SAMD15: variants seen among roughly 807,000 people sequenced by gnomAD.
The protein encoded by SAMD15 is sterile alpha motif domain-containing protein 15.
Under a neutral mutation model 50.5 loss-of-function variants are expected in SAMD15, and 37 were observed. The observed-to-expected ratio is 0.73, with a 90% confidence interval of 0.56 to 0.96. The LOEUF is 0.96. Among genes scored for constraint, SAMD15 ranks in the 40% least tolerant of loss-of-function variants. SAMD15 has a pLI of 0.00. For synonymous variants in SAMD15, 255 were observed against 282.8 expected (o/e 0.90, Z 0.99); for missense variants, 789 against 783.8 (o/e 1.01, Z -0.08).
chr14:77,384,374 G>A (rs1893981572), intron 2 of SAMD15, among the ~76,000 whole-genome samples: 1 of 152,082 alleles, frequency 6.6e-6, no homozygotes, highest in Non-Finnish European at 1.5e-5. Flanking sequence ...TGTTTAATTG[G>A]AATTCTTCTG....
Position 77,391,074 on chromosome 14 carries a change from C to T in SAMD15, c.1855C>T (p.Leu619Phe). 1 of 1,614,060 alleles carries T rather than the reference C, an allele frequency of 6.2e-7. No homozygotes were observed. Among genetic ancestry groups the T allele is most frequent in the Non-Finnish European group, 8.5e-7 (1 of 1,179,964 alleles). Residue 619 changes from leucine (L) to phenylalanine (F), a missense_variant, in exon 3 of 3, where the codon CTT becomes TTT. Coordinates refer to ENST00000216471, the MANE Select transcript of SAMD15 (RefSeq NM_001010860.4). ...GCCATTATTCAAACGCTCCATCAGC[C>T]TTCCCTATAGGGATATTATCGGCTT... ...EEPLFKRSIS[L>F]PYRDIIGLYL... is the part of the protein sequence containing the mutation.
At chr14:77,385,082 C>T (rs1893988979) in intron 2 of SAMD15, among the ~76,000 whole-genome samples, 1 of 151,822 alleles carries the variant, frequency 6.6e-6, no homozygotes. Context: ...ACTAGGGAGG[C>T]AGAGGCAGGA....
rs143386437 is a variant in SAMD15 at position 77,378,939 on chromosome 14, C to T, written c.1521C>T (p.Phe507=). Residue 507 remains phenylalanine, a synonymous_variant, in exon 1 of 3, where the codon TTC becomes TTT. Transcript: ENST00000216471. ...PSESQTELSE[F]VHEKEVVDLS... ...AGTCTCAGACAGAATTAAGTGAGTT[C>T]GTTCATGAAAAGGAAGTTGTAGATT... 107 of 1,613,830 alleles carry T rather than the reference C, an allele frequency of 6.6e-5. No individual in the cohort carries two copies. Among genetic ancestry groups the T allele is most frequent in the Non-Finnish European group, 5.3e-5 (62 of 1,179,970 alleles).
rs1566698980 is a variant in SAMD15, at chr14:77,377,658, C to A, written c.240C>A (p.Gly80=). The change falls in exon 1 of 3, where the codon GGC becomes GGA. Residue 80 remains glycine (G), a synonymous_variant. Coordinates refer to ENST00000216471, the MANE Select transcript of SAMD15 (RefSeq NM_001010860.4). ...DSAKNVQLKP[G]GTSQEGIAKE... ...CTAAGAACGTGCAGCTGAAACCTGG[C>A]GGGACGTCCCAGGAAGGAATTGCCA... The A allele has an allele frequency of 3.7e-6, 6 of 1,614,076 alleles. No homozygotes were observed. The highest frequency in any genetic ancestry group is 5.1e-6 in the Non-Finnish European group (6 of 1,180,010).
At chr14:77,385,846 G>A (rs894426405) in intron 2 of SAMD15, among the ~76,000 whole-genome samples, 20 of 92,142 alleles carry the variant, frequency 2.2e-4, no homozygotes, top group South Asian at 1.6e-3. Flanking sequence ...CAACATCCTG[G>A]ATTTTTTTTT....
intron 2 of SAMD15, among the ~76,000 whole-genome samples, chr14:77,383,800 T>C (rs148997366): frequency 6.6e-6 from 1 of 152,116 alleles, no homozygotes; most frequent in East Asian, 1.9e-4. Flanking sequence ...ACTTCTTCTC[T>C]ACTAAAAATA....
chr14:77,382,242 A>C (rs1893952233), intron 2 of SAMD15, among the ~76,000 whole-genome samples: 1 of 151,742 alleles, frequency 6.6e-6, no homozygotes, highest in South Asian at 2.1e-4. Flanking sequence ...TTCCTGCCTC[A>C]GCCTCCCGAG....
At position 77,378,322 on chromosome 14, in the gene SAMD15, A is replaced by G. The variant is rs1351758663; in HGVS notation, c.904A>G (p.Thr302Ala). 6.2e-7 allele frequency: 1 copy of G among 1,612,240 alleles called. No homozygotes were observed. The highest frequency in any genetic ancestry group is 8.5e-7 in the Non-Finnish European group (1 of 1,179,642). ...MQRKATEEKG[T>A]ELPERTKPDF... Reference sequence around the variant, plus strand: ...AAGAAAGGCAACTGAGGAGAAAGGGACAGAACTACCTGAGCGGACTAAACC... The same window carrying G: ...AAGAAAGGCAACTGAGGAGAAAGGGGCAGAACTACCTGAGCGGACTAAACC... Residue 302 changes from threonine (T) to alanine (A), a missense_variant, in exon 1 of 3, where the codon ACA becomes GCA. This residue lies in a region of SAMD15 where 770 missense variants were observed against 745.4 expected (regional missense o/e 1.03). Coordinates refer to ENST00000216471, the MANE Select transcript of SAMD15 (RefSeq NM_001010860.4).
At chr14:77,388,302 A>T (rs532956030) in intron 2 of SAMD15, among the ~76,000 whole-genome samples, 1 of 152,132 alleles carries the variant, frequency 6.6e-6, no homozygotes, top group African/African-American at 2.4e-5. Flanking sequence ...CTAAAAGAGA[A>T]TCAGGGTGAG....
rs770562347 is a variant in SAMD15, at chr14:77,391,083, A to G, written c.1864A>G (p.Arg622Gly). ...CAAACGCTCCATCAGCCTTCCCTAT[A>G]GGGATATTATCGGCTTATATTTAGA... ...LFKRSISLPY[R>G]DIIGLYLEQK... Residue 622 changes from arginine (R) to glycine (G), a missense_variant, in exon 3 of 3, where the codon AGG becomes GGG. This residue lies in a region of SAMD15 where 770 missense variants were observed against 745.4 expected (regional missense o/e 1.03). Coordinates refer to ENST00000216471, the MANE Select transcript of SAMD15 (RefSeq NM_001010860.4). The G allele has an allele frequency of 1.9e-6, 3 of 1,613,998 alleles. No homozygotes were observed. Among genetic ancestry groups the G allele is most frequent in the East Asian group, 4.5e-5 (2 of 44,894 alleles).
chr14:77,385,542 G>T (rs1441571796), intron 2 of SAMD15, among the ~76,000 whole-genome samples: 1 of 151,988 alleles, frequency 6.6e-6, no homozygotes, highest in African/African-American at 2.4e-5. Flanking sequence ...GACTGTCTTG[G>T]CCTCCCAAAG....
chr14:77,390,291 C>T (rs908808881), intron 2 of SAMD15, among the ~76,000 whole-genome samples: 22 of 152,110 alleles, frequency 1.4e-4, no homozygotes, highest in Non-Finnish European at 7.4e-5. Flanking sequence ...CCACCATGCT[C>T]GGCCCTGAGT....
In SAMD15 at chr14:77,377,504, A is replaced by G; in HGVS notation, c.86A>G (p.His29Arg). 2.5e-6 allele frequency: 4 copies of G among 1,614,184 alleles called. No homozygotes were observed. The highest frequency in any genetic ancestry group is 3.4e-6 in the Non-Finnish European group (4 of 1,180,036). ...EPERPELPGL[H>R]KLYENAEPDT... ...GAGAGGCCTGAACTGCCTGGACTTCATAAATTGTATGAAAATGCCGAACCA... is the reference window on the plus strand; with the variant it reads ...GAGAGGCCTGAACTGCCTGGACTTCGTAAATTGTATGAAAATGCCGAACCA... The change falls in exon 1 of 3, where the codon CAT (histidine) becomes CGT (arginine). Residue 29 changes from histidine to arginine, a missense_variant. Transcript: ENST00000216471.
chr14:77,378,002 A>C lies in SAMD15; in HGVS notation c.584A>C (p.Glu195Ala). The change falls in exon 1 of 3, where the codon GAA (glutamate) becomes GCA (alanine). Residue 195 changes from glutamate (E) to alanine (A), a missense_variant. Glu to Ala is a moderately radical substitution (Grantham distance 107). Around this residue, in one of 2 missense-constraint regions of SAMD15, gnomAD observed 770 missense variants for 745.4 expected, o/e 1.03. Coordinates refer to ENST00000216471, the MANE Select transcript of SAMD15 (RefSeq NM_001010860.4). ...GAGACTGAACCGGGGGTTCCAGAGGAATCACTTAGAGTGCAACATGAAGAG... is the reference window on the plus strand; with the variant it reads ...GAGACTGAACCGGGGGTTCCAGAGGCATCACTTAGAGTGCAACATGAAGAG... ...EEETEPGVPE[E>A]SLRVQHEETG... 6.2e-7 allele frequency: 1 copy of C among 1,613,956 alleles called. No homozygotes were observed. Among genetic ancestry groups the C allele is most frequent in the Non-Finnish European group, 8.5e-7 (1 of 1,180,008 alleles).
intron 1 of SAMD15, 85 bp downstream of exon 1, chr14:77,379,192 CT>C: frequency 7.8e-7 from 1 of 1,278,484 alleles, no homozygotes; most frequent in Non-Finnish European, 1.1e-6. Flanking sequence ...GCTCTTACCT[CT>C]TTACCGGAAG....
At chr14:77,388,103 T>G (rs1371810967) in intron 2 of SAMD15, among the ~76,000 whole-genome samples, 1 of 152,108 alleles carries the variant, frequency 6.6e-6, no homozygotes, top group Non-Finnish European at 1.5e-5. Flanking sequence ...ATTACAATAC[T>G]GTGCAAAACA....
chr14:77,381,034 T>C (rs1893937670), intron 2 of SAMD15, among the ~76,000 whole-genome samples: 1 of 152,102 alleles, frequency 6.6e-6, no homozygotes, highest in African/African-American at 2.4e-5. Context: ...CTTCGCTCAG[T>C]TCCCCCATCC....
chr14:77,384,269 T>C (rs1400894806), intron 2 of SAMD15, among the ~76,000 whole-genome samples: 3 of 152,194 alleles, frequency 2.0e-5, no homozygotes. Context: ...CTGGACATGC[T>C]GCTAAGAATC....
rs755710648 is a variant in SAMD15, at chr14:77,377,605, G to T, written c.187G>T (p.Asp63Tyr). 1.9e-6 allele frequency: 3 copies of T among 1,614,116 alleles called. No individual in the cohort carries two copies. The highest frequency in any genetic ancestry group is 2.5e-6 in the Non-Finnish European group (3 of 1,180,030). The change falls in exon 1 of 3, where the codon GAC (aspartate) becomes TAC (tyrosine). Residue 63 changes from aspartate (D) to tyrosine (Y), a missense_variant. Physicochemically the swap from Asp to Tyr is radical, Grantham distance 160. Transcript: ENST00000216471. ...GCCACAGCCAGAGACCGAGGAAGAGGACTTCAAAGAGGGGGAGCCAGACAG... is the reference window on the plus strand; with the variant it reads ...GCCACAGCCAGAGACCGAGGAAGAGTACTTCAAAGAGGGGGAGCCAGACAG... ...QEPQPETEEE[D>Y]FKEGEPDSAK...
Sources: allele counts gnomAD v4.1 joint callset (sites outside exome capture counted in the v4.1 genomes callset), GRCh38; gene constraint gnomAD v4.1.1; regional missense constraint gnomAD v4.1.1; transcripts MANE v1.5; gene names NCBI Gene and HGNC (gene_info 2026-07-23, HGNC 2026-07-21).